MYZAP: variants seen among roughly 807,000 people sequenced by gnomAD.
MYZAP encodes the protein myocardial zonula adherens protein.
Under a neutral mutation model 69.4 loss-of-function variants are expected in MYZAP, and 66 were observed. The ratio of observed to expected loss-of-function variants is 0.95; its 90% CI spans 0.78 to 1.17. The LOEUF (loss-of-function observed/expected upper bound fraction) is 1.17, where lower values mean the gene tolerates loss of function less well. MYZAP is among the 50% of genes most tolerant of loss of function. The probability of loss-of-function intolerance (pLI) is 0.00; values close to 1 mark genes in which losing one functional copy is unlikely to be tolerated. For missense variants in MYZAP, 611 were observed against 556.2 expected (o/e 1.10, Z -0.99); for synonymous variants, 256 against 205.9 (o/e 1.24, Z -2.09).
In MYZAP at chr15:57,674,850, A is replaced by C. The variant is rs897898780; in HGVS notation, c.1204-118A>C. ...TGTGTAAGTGATGCTCTGTAAATAC[A>C]TTGTGATAGTTGCCCATGTCATGGG... On this transcript the variant is annotated intron_variant, in intron 11 of 12. Transcript: ENST00000267853. 6 of 800,134 alleles carry C rather than the reference A, an allele frequency of 7.5e-6. No individual in the cohort carries two copies. The South Asian group carries it at 1.1e-4, about 15-fold the overall frequency. The allele number at this position is 800,134 out of a possible 1,614,324, so 49.6% of individuals were successfully genotyped here. A position where few individuals can be genotyped will look rare whatever the true frequency, so the allele number is the denominator to read the frequency against.
Position 57,617,965 on chromosome 15 carries a change from C to T in MYZAP, c.163-68C>T, listed in dbSNP as rs889105600. 4.5e-5 allele frequency: 69 copies of T among 1,539,366 alleles called. No homozygotes were observed. The Middle Eastern group carries it at 7.2e-4, about 16-fold the overall frequency. Reference sequence around the variant, plus strand: ...TTTGCATAATCATACACAGTGGGCCCGTTATTACAACTGTGCATGAGGCCT... The same window carrying T: ...TTTGCATAATCATACACAGTGGGCCTGTTATTACAACTGTGCATGAGGCCT... On this transcript the variant is annotated intron_variant, in intron 2 of 12. Transcript: ENST00000267853.
rs770540454 is a variant in MYZAP, at chr15:57,593,212, A to ACACACACT, written c.75+1106_75+1107insACACTCAC. ...CGCACACACACACACACACACACACACACCCCAGAATCCATCAGTTGGCTC... is the reference window on the plus strand; with the variant it reads ...CGCACACACACACACACACACACACACACACACTCACCCCAGAATCCATCAGTTGGCTC... On this transcript the variant is annotated intron_variant, in intron 1 of 12. Coordinates refer to ENST00000267853, the MANE Select transcript of MYZAP (RefSeq NM_001018100.5). Among the ~76,000 whole-genome samples, 420 of 124,978 alleles carry ACACACACT rather than the reference A, an allele frequency of 3.4e-3. 5 individuals are homozygous for ACACACACT. The highest frequency in any genetic ancestry group is 5.9e-3 in the Non-Finnish European group (345 of 58,872). The allele number at this position is 124,978 out of a possible 152,430, so 82.0% of individuals were successfully genotyped here.
chr15:57,654,327 A>T, intron 10 of MYZAP, among the ~76,000 whole-genome samples: 1 of 152,186 alleles, frequency 6.6e-6, no homozygotes, highest in Non-Finnish European at 1.5e-5. Context: ...GTGTGACGTC[A>T]GTTTTAACCT....
At chr15:57,665,851 AT>A (rs2038543549) in intron 11 of MYZAP, among the ~76,000 whole-genome samples, 1 of 152,148 alleles carries the variant, frequency 6.6e-6, no homozygotes, top group African/African-American at 2.4e-5. Flanking sequence ...CTAGTGCACC[AT>A]TAGTGTTATG....
At chr15:57,642,001 C>G (rs1215117731) in intron 10 of MYZAP, among the ~76,000 whole-genome samples, 1 of 152,164 alleles carries the variant, frequency 6.6e-6, no homozygotes, top group Non-Finnish European at 1.5e-5. Flanking sequence ...TATTGTGAAG[C>G]AAGGCCAGGC....
chr15:57,594,923 G>C (rs547679102), intron 1 of MYZAP, among the ~76,000 whole-genome samples: 46 of 152,334 alleles, frequency 3.0e-4, no homozygotes, highest in African/African-American at 6.7e-4. Flanking sequence ...TGATGGACAA[G>C]TGATGGTCTT....
intron 11 of MYZAP, among the ~76,000 whole-genome samples, chr15:57,662,485 C>A (rs1184427215): frequency 6.6e-6 from 1 of 152,096 alleles, no homozygotes; most frequent in African/African-American, 2.4e-5. Flanking sequence ...AAGTGTGAAC[C>A]CTGGATCTGC....
intron 2 of MYZAP, among the ~76,000 whole-genome samples, chr15:57,610,763 C>A (rs1396272178): frequency 1.3e-5 from 2 of 152,144 alleles, no homozygotes; most frequent in African/African-American, 2.4e-5. Context: ...CTCCATCAGG[C>A]CCCCAACTCT....
At chr15:57,661,655 G>T in intron 11 of MYZAP, 122 bp downstream of exon 11, 2 of 837,626 alleles carry the variant, frequency 2.4e-6, no homozygotes, top group South Asian at 2.0e-5. Flanking sequence ...ATTGATTGAG[G>T]GTTAAGTGCC....
intron 1 of MYZAP, chr15:57,599,765 G>C: frequency 1.7e-6 from 2 of 1,197,004 alleles, no homozygotes; most frequent in Non-Finnish European, 2.2e-6. Flanking sequence ...TGCGGAAGGT[G>C]AATGAATGGA....
chr15:57,599,118 A>G (rs2034248503), intron 1 of MYZAP, among the ~76,000 whole-genome samples: 1 of 152,216 alleles, frequency 6.6e-6, no homozygotes, highest in African/African-American at 2.4e-5. Flanking sequence ...AGGGTATAGT[A>G]TTGTTAGTTC....
At chr15:57,604,842 C>G (rs2034646801) in intron 2 of MYZAP, among the ~76,000 whole-genome samples, 1 of 152,176 alleles carries the variant, frequency 6.6e-6, no homozygotes, top group Non-Finnish European at 1.5e-5. Context: ...AGGCATTCGG[C>G]AAACATTTTT....
chr15:57,603,043 T>G (rs2034516578), intron 1 of MYZAP, among the ~76,000 whole-genome samples: 1 of 152,200 alleles, frequency 6.6e-6, no homozygotes, highest in African/African-American at 2.4e-5. Context: ...CTGAGTGGTA[T>G]AATGCTTTTT....
At position 57,591,980 on chromosome 15, in the gene MYZAP, T is replaced by G; in HGVS notation, c.-55T>G. ...CCGCGCAGGGCGGGCCCCGCACGCT[T>G]ATTCTGCCCGGGAGGAACGCCGGCG... On this transcript the variant is annotated 5_prime_UTR_variant, in exon 1 of 13. Transcript: ENST00000267853. 1.4e-6 allele frequency: 2 copies of G among 1,379,556 alleles called. No individual in the cohort carries two copies. The highest frequency in any genetic ancestry group is 1.9e-6 in the Non-Finnish European group (2 of 1,068,738). 85.5% of individuals were successfully genotyped at this position (1,379,556 alleles called of 1,614,324 possible).
At chr15:57,638,195 A>G (rs188872437) in intron 9 of MYZAP, among the ~76,000 whole-genome samples, 41 of 152,352 alleles carry the variant, frequency 2.7e-4, no homozygotes, top group African/African-American at 9.4e-4. Context: ...GGCAGTGAGT[A>G]TATAAAGCCC....
intron 11 of MYZAP, among the ~76,000 whole-genome samples, chr15:57,662,007 C>G (rs2038334425): frequency 6.6e-6 from 1 of 152,190 alleles, no homozygotes; most frequent in Admixed American, 6.5e-5. Flanking sequence ...ATGTCAGAGC[C>G]AGGCTGAAAG....
At chr15:57,648,232 G>A (rs1042211816) in intron 10 of MYZAP, 6 of 985,164 alleles carry the variant, frequency 6.1e-6, no homozygotes, top group Middle Eastern at 5.2e-4. Context: ...TAAAAAAGCA[G>A]GTTCATTCTA....
intron 11 of MYZAP, among the ~76,000 whole-genome samples, chr15:57,673,908 T>C (rs1255598361): frequency 2.6e-5 from 4 of 152,206 alleles, no homozygotes; most frequent in African/African-American, 9.7e-5. Context: ...TTTCTAGTTA[T>C]GCAAATAAAC....
chr15:57,621,205 C>CTTTTT (rs61201214), intron 3 of MYZAP, among the ~76,000 whole-genome samples: 57 of 127,294 alleles, frequency 4.5e-4, no homozygotes, highest in Non-Finnish European at 5.0e-4. Context: ...CTTTCTTTTT[C>CTTTTT]TTTTTTTTTT....
Sources: allele counts gnomAD v4.1 joint callset (sites outside exome capture counted in the v4.1 genomes callset), GRCh38; gene constraint gnomAD v4.1.1; transcripts MANE v1.5; gene names NCBI Gene and HGNC (gene_info 2026-07-23, HGNC 2026-07-21).